Variants in SPIDR observed in about 807,000 individuals in gnomAD.
The protein encoded by SPIDR is scaffold protein involved in DNA repair.
SPIDR carries 93 observed loss-of-function variants against 104.6 expected under a neutral mutation model. The observed-to-expected ratio is 0.89, with a 90% confidence interval of 0.75 to 1.06. The LOEUF is 1.06. Ranked by LOEUF, SPIDR falls within the 50% of genes least tolerant of loss-of-function variation. The pLI is 0.00. For missense variants in SPIDR, 1,154 were observed against 1,111.2 expected, an observed-to-expected ratio of 1.04 and a Z score of -0.55; for synonymous variants, 431 against 416.9, an observed-to-expected ratio of 1.03 and a Z score of -0.41.
chr8:47,551,053 TTAATG>T (rs1319919497), intron 8 of SPIDR, among the ~76,000 whole-genome samples: 1 of 152,238 alleles, frequency 6.6e-6, no homozygotes, highest in Admixed American at 6.5e-5. Context: ...TTGGTTTTGT[TTAATG>T]TGATGGATTA....
intron 10 of SPIDR, among the ~76,000 whole-genome samples, chr8:47,608,153 C>T (rs894666079): frequency 1.3e-5 from 2 of 152,164 alleles, no homozygotes; most frequent in African/African-American, 4.8e-5. Context: ...TACTTTTTGT[C>T]GCTACAGATT....
At chr8:47,413,287 G>C (rs576831216) in intron 7 of SPIDR, among the ~76,000 whole-genome samples, 1 of 152,218 alleles carries the variant, frequency 6.6e-6, no homozygotes, top group Non-Finnish European at 1.5e-5. Context: ...AATTCTGTGA[G>C]GACTCTTAGA....
intron 10 of SPIDR, among the ~76,000 whole-genome samples, chr8:47,669,468 C>T (rs2075496497): frequency 6.6e-6 from 1 of 152,110 alleles, no homozygotes. Flanking sequence ...AGTGGGAGAG[C>T]ATGTGTGGTG....
chr8:47,693,315 G>A (rs1383585524), intron 11 of SPIDR, among the ~76,000 whole-genome samples: 1 of 152,218 alleles, frequency 6.6e-6, no homozygotes, highest in Non-Finnish European at 1.5e-5. Flanking sequence ...TTAAATGAAT[G>A]AAATGAACAA....
intron 5 of SPIDR, among the ~76,000 whole-genome samples, chr8:47,372,696 T>C (rs1193269018): frequency 6.6e-6 from 1 of 152,140 alleles, no homozygotes; most frequent in Non-Finnish European, 1.5e-5. Context: ...CATGATGATT[T>C]TGTGGAATAG....
At chr8:47,494,464 T>C (rs1431945699) in intron 8 of SPIDR, among the ~76,000 whole-genome samples, 1 of 152,170 alleles carries the variant, frequency 6.6e-6, no homozygotes, top group Admixed American at 6.6e-5. Context: ...AAATAAATAT[T>C]AGTGTAAATA....
At chr8:47,491,532 A>C (rs544128372) in intron 8 of SPIDR, among the ~76,000 whole-genome samples, 1 of 146,232 alleles carries the variant, frequency 6.8e-6, no homozygotes, top group South Asian at 2.1e-4. Context: ...AAAGAATTTC[A>C]AAAAAAAAAT....
chr8:47,658,148 G>A (rs1033311075), intron 10 of SPIDR, among the ~76,000 whole-genome samples: 3 of 151,952 alleles, frequency 2.0e-5, no homozygotes, highest in East Asian at 1.9e-4. Flanking sequence ...GCCGGGTGCC[G>A]TGGCTTACAC....
chr8:47,565,606 A>T (rs2057686449), intron 8 of SPIDR, among the ~76,000 whole-genome samples: 1 of 151,988 alleles, frequency 6.6e-6, no homozygotes, highest in South Asian at 2.1e-4. Flanking sequence ...TAATACAACT[A>T]CAAATATTTA....
chr8:47,664,894 C>CAA (rs72582293), intron 10 of SPIDR, among the ~76,000 whole-genome samples: 4 of 112,366 alleles, frequency 3.6e-5, no homozygotes, highest in Non-Finnish European at 3.8e-5. Context: ...GACCCTGTCT[C>CAA]AAAAAAAAAA....
intron 5 of SPIDR, among the ~76,000 whole-genome samples, chr8:47,296,561 T>A (rs2040875749): frequency 6.6e-6 from 1 of 152,214 alleles, no homozygotes; most frequent in South Asian, 2.1e-4. Flanking sequence ...TTGTTGTAAA[T>A]AATTGACCAC....
chr8:47,541,018 C>T (rs1325951595), intron 8 of SPIDR, among the ~76,000 whole-genome samples: 1 of 152,090 alleles, frequency 6.6e-6, no homozygotes, highest in Non-Finnish European at 1.5e-5. Flanking sequence ...TACCATCACA[C>T]CTGGCTAATT....
intron 7 of SPIDR, among the ~76,000 whole-genome samples, chr8:47,433,956 G>C (rs1328634092): frequency 6.6e-6 from 1 of 152,168 alleles, no homozygotes; most frequent in Non-Finnish European, 1.5e-5. Context: ...AATGCTATGA[G>C]AAGTCAGTAA....
At chr8:47,501,527 C>T (rs1264955370) in intron 8 of SPIDR, among the ~76,000 whole-genome samples, 1 of 152,138 alleles carries the variant, frequency 6.6e-6, no homozygotes, top group African/African-American at 2.4e-5. Flanking sequence ...TGCCTGTCAG[C>T]TTAAGGAGAT....
chr8:47,713,273 C>T, intron 15 of SPIDR: 4 of 646,232 alleles, frequency 6.2e-6, no homozygotes, highest in Non-Finnish European at 1.0e-5. Context: ...CATAATTTAC[C>T]CTGTGTGGAT....
intron 8 of SPIDR, among the ~76,000 whole-genome samples, chr8:47,440,831 T>TA (rs1436906793): frequency 3.9e-5 from 6 of 152,334 alleles, no homozygotes; most frequent in African/African-American, 1.4e-4. Context: ...TTTTTGTTTT[T>TA]ATATTTCTTA....
intron 14 of SPIDR, among the ~76,000 whole-genome samples, chr8:47,704,831 G>A (rs2080842463): frequency 6.6e-6 from 1 of 152,164 alleles, no homozygotes; most frequent in Admixed American, 6.5e-5. Flanking sequence ...AGGAGGATAG[G>A]GCTCCCAGCA....
chr8:47,323,028 T>C (rs572007233), intron 5 of SPIDR, among the ~76,000 whole-genome samples: 11 of 151,792 alleles, frequency 7.2e-5, no homozygotes, highest in East Asian at 1.9e-4. Context: ...ACATGGCACA[T>C]GTATACATAT....
chr8:47,542,832 A>G (rs769054377), intron 8 of SPIDR, among the ~76,000 whole-genome samples: 8 of 152,216 alleles, frequency 5.3e-5, no homozygotes, highest in Non-Finnish European at 8.8e-5. Context: ...TCATAGGCAT[A>G]CTATTTTCTT....
Sources: allele counts gnomAD v4.1 joint callset (sites outside exome capture counted in the v4.1 genomes callset), GRCh38; gene constraint gnomAD v4.1.1; transcripts MANE v1.5; gene names NCBI Gene and HGNC (gene_info 2026-07-23, HGNC 2026-07-21).